PAFAH1B2: variants seen among roughly 807,000 people sequenced by gnomAD.
PAFAH1B2 encodes platelet-activating factor acetylhydrolase IB subunit alpha2.
Under a neutral mutation model 28.0 loss-of-function variants are expected in PAFAH1B2, and 8 were observed. That is an observed-to-expected ratio of 0.29 (90% confidence interval 0.17 to 0.52). The LOEUF (loss-of-function observed/expected upper bound fraction) is 0.52, where lower values mean the gene tolerates loss of function less well. Among genes scored for constraint, PAFAH1B2 ranks in the 20% least tolerant of loss-of-function variants. PAFAH1B2 has a pLI of 0.97. For missense variants in PAFAH1B2, 190 were observed against 282.6 expected (o/e 0.67, Z 2.35); for synonymous variants, 104 against 103.2 (o/e 1.01, Z -0.05).
Position 117,169,210 on chromosome 11 carries a change from G to T in PAFAH1B2, c.*1511G>T. The T allele has an allele frequency of 1.9e-6, 2 of 1,034,208 alleles. No individual in the cohort carries two copies. The highest frequency in any genetic ancestry group is 4.6e-5 in the South Asian group (1 of 21,694). The allele number at this position is 1,034,208 out of a possible 1,614,324, so 64.1% of individuals were successfully genotyped here. Reference sequence around the variant, plus strand: ...TATCCCATCATTTTAGTAAAAACTAGGTTTGTTTCACTTCTGAGGTGTCTT... The same window carrying T: ...TATCCCATCATTTTAGTAAAAACTATGTTTGTTTCACTTCTGAGGTGTCTT... On this transcript the variant is annotated 3_prime_UTR_variant, in exon 6 of 6. Transcript: ENST00000527958.
In PAFAH1B2 at chr11:117,167,416, C is replaced by T; in HGVS notation, c.412-5C>T. On this transcript the variant is annotated splice_region_variant and splice_polypyrimidine_tract_variant and intron_variant, in intron 5 of 5. Transcript: ENST00000527958. ...TCTAATTTAATGTTTTCCACTGTGC[C>T]CCAGGGTTTGTTACCTCGAGGTGAG... is the stretch of plus-strand genomic sequence containing the variant. 6.4e-7 allele frequency: 1 copy of T among 1,571,732 alleles called. No homozygotes were observed. Among genetic ancestry groups the T allele is most frequent in the Non-Finnish European group, 8.7e-7 (1 of 1,151,262 alleles).
chr11:117,153,994 G>C (rs1390990864), intron 2 of PAFAH1B2, among the ~76,000 whole-genome samples: 2 of 151,212 alleles, frequency 1.3e-5, no homozygotes, highest in East Asian at 3.9e-4. Context: ...ACGTTAGGAG[G>C]CCAGGGCAGG....
chr11:117,166,110 T>G (rs1956503545), intron 5 of PAFAH1B2, among the ~76,000 whole-genome samples: 1 of 152,162 alleles, frequency 6.6e-6, no homozygotes, highest in African/African-American at 2.4e-5. Context: ...CCCAAAGTGC[T>G]GGGATTACAG....
intron 2 of PAFAH1B2, among the ~76,000 whole-genome samples, chr11:117,154,449 G>A (rs1365846994): frequency 6.6e-6 from 1 of 151,778 alleles, no homozygotes; most frequent in East Asian, 1.9e-4. Flanking sequence ...ACAGAATCTT[G>A]CTCTGTCAAG....
chr11:117,168,079 G>T lies in PAFAH1B2; in HGVS notation c.*380G>T. 2 of 1,057,410 alleles carry T rather than the reference G, an allele frequency of 1.9e-6. No individual in the cohort carries two copies. The highest frequency in any genetic ancestry group is 2.3e-6 in the Non-Finnish European group (2 of 873,570). 65.5% of individuals were successfully genotyped at this position (1,057,410 alleles called of 1,614,324 possible). A position where few individuals can be genotyped will look rare whatever the true frequency, so the allele number is the denominator to read the frequency against. ...ATTATGTCATATATAATAATTATCA[G>T]AATCATTCTACTTGGCTTTAAAACA... On this transcript the variant is annotated 3_prime_UTR_variant, in exon 6 of 6. Transcript: ENST00000527958.
At chr11:117,146,693 TAAAAAAC>T (rs1195015956) in intron 1 of PAFAH1B2, among the ~76,000 whole-genome samples, 2 of 151,008 alleles carry the variant, frequency 1.3e-5, no homozygotes, top group South Asian at 2.1e-4. Flanking sequence ...CCTGTCGGGG[TAAAAAAC>T]AAAAAACAAA....
chr11:117,147,676 T>G (rs1260427503), intron 1 of PAFAH1B2, among the ~76,000 whole-genome samples: 1 of 152,224 alleles, frequency 6.6e-6, no homozygotes, highest in Non-Finnish European at 1.5e-5. Context: ...GAAAGCTGCT[T>G]TGTAATAAGA....
intron 5 of PAFAH1B2, 66 bp downstream of exon 5, chr11:117,163,958 T>C (rs1956438331): frequency 6.6e-7 from 1 of 1,525,266 alleles, no homozygotes; most frequent in Non-Finnish European, 9.0e-7. Flanking sequence ...TTTTTAGAAA[T>C]GTGATTGCTC....
At chr11:117,146,114 C>CTTTTTTTTTT (rs376242740) in intron 1 of PAFAH1B2, among the ~76,000 whole-genome samples, 1 of 137,970 alleles carries the variant, frequency 7.2e-6, no homozygotes, top group African/African-American at 2.8e-5. Context: ...GTCTTTCTTT[C>CTTTTTTTTTT]TTTTTTTTTT....
intron 1 of PAFAH1B2, among the ~76,000 whole-genome samples, chr11:117,146,880 C>T (rs979713335): frequency 1.3e-5 from 2 of 151,036 alleles, no homozygotes; most frequent in African/African-American, 4.9e-5. Context: ...TCGGGAGGAT[C>T]GCTTGAGTGC....
chr11:117,176,123 C>G, exon 6 of PAFAH1B2: 1 of 589,980 alleles, frequency 1.7e-6, no homozygotes, highest in Non-Finnish European at 3.0e-6. Flanking sequence ...TAGTGAGGTA[C>G]TAATGGGCTG....
At chr11:117,176,160 A>G (rs2029971172) in exon 6 of PAFAH1B2, 2 of 567,242 alleles carry the variant, frequency 3.5e-6, no homozygotes, top group South Asian at 4.5e-5. Context: ...CACTTTCCTC[A>G]TCTGTATAAT....
Position 117,169,880 on chromosome 11 carries a change from C to A in PAFAH1B2, c.*2181C>A. On this transcript the variant is annotated 3_prime_UTR_variant, in exon 6 of 6. Transcript: ENST00000527958. ...TGGTCCAAATAAATCCATTAGGTTA[C>A]TCCTGCAGCATGCGCTTTTAGCTTC... The A allele has an allele frequency of 3.8e-6, 4 of 1,054,832 alleles. No individual in the cohort carries two copies. In the South Asian group the frequency reaches 1.4e-4, roughly 36 times the overall value. The allele number at this position is 1,054,832 out of a possible 1,614,324, so 65.3% of individuals were successfully genotyped here.
Position 117,168,908 on chromosome 11 carries a change from A to C in PAFAH1B2, c.*1209A>C, listed in dbSNP as rs1956582457. On this transcript the variant is annotated 3_prime_UTR_variant, in exon 6 of 6. Coordinates refer to ENST00000527958, the MANE Select transcript of PAFAH1B2 (RefSeq NM_002572.4). The stretch of plus-strand genomic sequence containing the variant: ...CGAGTTCAAATGATTCTCCTGCCTC[A>C]GCTTCCTGAGTAGCTGGGATTACAG... 3.1e-6 allele frequency: 1 copy of C among 324,952 alleles called. No homozygotes were observed. Among genetic ancestry groups the C allele is most frequent in the African/African-American group, 2.2e-5 (1 of 45,246 alleles). 20.1% of individuals were successfully genotyped at this position (324,952 alleles called of 1,614,324 possible). A position where few individuals can be genotyped will look rare whatever the true frequency, so the allele number is the denominator to read the frequency against.
chr11:117,171,721 G>C (rs973888646), downstream of PAFAH1B2: 1 of 1,535,884 alleles, frequency 6.5e-7, no homozygotes, highest in South Asian at 1.2e-5. Flanking sequence ...TGACACACCA[G>C]CAACTACCAG....
intron 5 of PAFAH1B2, 87 bp from the exon 6 acceptor site, chr11:117,167,334 G>C: frequency 7.6e-7 from 1 of 1,321,268 alleles, no homozygotes; most frequent in Non-Finnish European, 1.0e-6. Flanking sequence ...GCCAAATGGA[G>C]ATGTTCCAGG....
intron 1 of PAFAH1B2, 105 bp downstream of exon 1, chr11:117,144,523 T>G (rs1326330342): frequency 1.9e-5 from 3 of 155,424 alleles, no homozygotes; most frequent in East Asian, 2.0e-4. Flanking sequence ...TCCCCCACCC[T>G]TGCGGCCCCT....
At chr11:117,174,893 G>T (rs778936401), downstream of PAFAH1B2, 18 of 1,523,870 alleles carry the variant, frequency 1.2e-5, no homozygotes, top group South Asian at 1.9e-4. Flanking sequence ...GGGATTACAG[G>T]CGTGAGTCAC....
intron 2 of PAFAH1B2, 200 bp from the exon 3 acceptor site, chr11:117,159,734 T>C (rs1332152308): frequency 4.0e-6 from 2 of 495,604 alleles, no homozygotes; most frequent in South Asian, 2.7e-5. Context: ...GACGCTGTCT[T>C]AGAAAAAAAA....
Sources: allele counts gnomAD v4.1 joint callset (sites outside exome capture counted in the v4.1 genomes callset), GRCh38; gene constraint gnomAD v4.1.1; transcripts MANE v1.5; gene names NCBI Gene and HGNC (gene_info 2026-07-23, HGNC 2026-07-21).